The following TCF7L2 variants were observed in gnomAD, a reference collection of about 807,000 sequenced individuals.
The protein encoded by TCF7L2 is transcription factor 7-like 2.
Under a neutral mutation model 77.9 loss-of-function variants are expected in TCF7L2, and 23 were observed. That is an observed-to-expected ratio of 0.30 (90% CI 0.21 to 0.42). The LOEUF is 0.42. TCF7L2 is among the 10% of genes least tolerant of loss of function. The pLI, the probability that TCF7L2 is intolerant of heterozygous loss-of-function variation, is 1.00. For missense variants in TCF7L2, 654 were observed against 793.1 expected (o/e 0.82, Z 2.11); for synonymous variants, 413 against 340.2 (o/e 1.21, Z -2.36).
intron 4 of TCF7L2, among the ~76,000 whole-genome samples, chr10:112,997,755 A>T (rs781355261): frequency 6.6e-6 from 1 of 152,126 alleles, no homozygotes; most frequent in Non-Finnish European, 1.5e-5. Context: ...GTGGAGCAAG[A>T]TTCCATGTTG....
intron 4 of TCF7L2, among the ~76,000 whole-genome samples, chr10:112,989,010 G>A (rs2042062359): frequency 6.6e-6 from 1 of 152,168 alleles, no homozygotes; most frequent in Admixed American, 6.5e-5. Flanking sequence ...GGCCTTGTCT[G>A]AGGCTCGGGT....
intron 12 of TCF7L2, among the ~76,000 whole-genome samples, 174 bp downstream of exon 13, chr10:113,158,891 T>G (rs1307055086): frequency 6.6e-6 from 1 of 152,012 alleles, no homozygotes; most frequent in East Asian, 1.9e-4. Flanking sequence ...GCTTCTGTTT[T>G]TTTTTTTTAA....
chr10:113,151,171 C>T lies in TCF7L2; in HGVS notation c.1001+48C>T. 6.2e-7 allele frequency: 1 copy of T among 1,611,726 alleles called. No individual in the cohort carries two copies. ...CCTTCTTCGTAGCCGCAGTGTTCTG[C>T]AAGCCTGTTGCAGCTGCTGGGTGGT... On this transcript the variant is annotated intron_variant, in intron 9 of 13. Transcript: ENST00000627217. This position sits in a 1 kb window ranked among gnomAD's most constrained non-coding sequence, Gnocchi z 5.2.
chr10:113,027,144 T>A (rs1287974625), intron 4 of TCF7L2, among the ~76,000 whole-genome samples: 1 of 152,222 alleles, frequency 6.6e-6, no homozygotes, highest in Non-Finnish European at 1.5e-5. Context: ...GTTTTTCTTT[T>A]TCTTTTTGGA....
rs1387251378 is a variant in TCF7L2, at chr10:113,069,083, A to G, written c.552+28957A>G. 3.3e-5 allele frequency among the ~76,000 whole-genome samples: 5 copies of G among 151,724 alleles called. No individual in the cohort carries two copies. In the East Asian group the frequency reaches 7.8e-4, roughly 24 times the overall value. On this transcript the variant is annotated intron_variant, in intron 5 of 13. Coordinates refer to ENST00000627217, the MANE Select transcript of TCF7L2 (RefSeq NM_001146274.2). ...GGCCCAGTTAGCAGGGAGGAATGTC[A>G]TATGGTTTAGAAAGGAGGGCCCAGG...
intron 5 of TCF7L2, among the ~76,000 whole-genome samples, chr10:113,060,534 T>C (rs559900695): frequency 6.6e-6 from 1 of 152,234 alleles, no homozygotes; most frequent in Non-Finnish European, 1.5e-5. Context: ...CTTTCTTCTC[T>C]TGGAGAACTT....
chr10:113,126,055 A>G (rs368058563), intron 5 of TCF7L2: 6 of 151,048 alleles, frequency 4.0e-5, no homozygotes, highest in South Asian at 2.1e-4. Context: ...CGGTGGTTTA[A>G]TATGTGTTAG....
chr10:113,151,191 G>T lies in TCF7L2; in HGVS notation c.1001+68G>T. On this transcript the variant is annotated intron_variant, in intron 9 of 13. Coordinates refer to ENST00000627217, the MANE Select transcript of TCF7L2 (RefSeq NM_001146274.2). This position sits in a 1 kb window ranked among gnomAD's most constrained non-coding sequence, Gnocchi z 5.2. ...TTCTGCAAGCCTGTTGCAGCTGCTGGGTGGTGGCTTTCTGCCTAAGGTTGG... is the reference window on the plus strand; with the variant it reads ...TTCTGCAAGCCTGTTGCAGCTGCTGTGTGGTGGCTTTCTGCCTAAGGTTGG... 1 of 1,605,806 alleles carries T rather than the reference G, an allele frequency of 6.2e-7. No individual in the cohort carries two copies. The highest frequency in any genetic ancestry group is 1.7e-5 in the Admixed American group (1 of 59,772).
At chr10:112,968,640 G>A (rs2037542033) in intron 4 of TCF7L2, among the ~76,000 whole-genome samples, 1 of 152,028 alleles carries the variant, frequency 6.6e-6, no homozygotes, top group Non-Finnish European at 1.5e-5. Flanking sequence ...GTGCAGTGGC[G>A]TGATCTCGGC....
chr10:113,017,831 A>G (rs896124550), intron 4 of TCF7L2, among the ~76,000 whole-genome samples: 1 of 152,234 alleles, frequency 6.6e-6, no homozygotes, highest in African/African-American at 2.4e-5. Flanking sequence ...CTTACTTTTC[A>G]TAGCAGCACT....
At chr10:113,076,148 A>G (rs1412199641) in intron 5 of TCF7L2, among the ~76,000 whole-genome samples, 1 of 151,600 alleles carries the variant, frequency 6.6e-6, no homozygotes, top group East Asian at 1.9e-4. Flanking sequence ...AAAAAAAAAA[A>G]AAAAAAAAAG....
In TCF7L2 at chr10:112,951,524, T is replaced by C; in HGVS notation, c.298T>C (p.Tyr100His). The change falls in exon 3 of 14, where the codon TAT (tyrosine) becomes CAT (histidine). Residue 100 changes from tyrosine (Y) to histidine (H), a missense_variant. By Grantham distance (83) the Tyr-to-His change is moderately conservative. This residue lies in a region of TCF7L2 where 132 missense variants were observed against 123.7 expected (regional missense o/e 1.07). Coordinates refer to ENST00000627217, the MANE Select transcript of TCF7L2 (RefSeq NM_001146274.2). ...TGGAGGGCTCTTTAAGGGGCCACCG[T>C]ATCCCGGCTACCCCTTCATCATGAT... is the stretch of plus-strand genomic sequence containing the variant. 1 of 1,427,480 alleles carries C rather than the reference T, an allele frequency of 7.0e-7. No homozygotes were observed. Among genetic ancestry groups the C allele is most frequent in the Non-Finnish European group, 9.4e-7 (1 of 1,067,298 alleles). 88.4% of individuals were successfully genotyped at this position (1,427,480 alleles called of 1,614,324 possible). A position where few individuals can be genotyped will look rare whatever the true frequency, so the allele number is the denominator to read the frequency against.
chr10:113,045,010 A>AT (rs2053172656), intron 5 of TCF7L2, among the ~76,000 whole-genome samples: 1 of 152,106 alleles, frequency 6.6e-6, no homozygotes, highest in Admixed American at 6.5e-5. Context: ...CAGGTTAGAT[A>AT]TTGGCATTGA....
intron 5 of TCF7L2, among the ~76,000 whole-genome samples, chr10:113,077,775 C>T (rs573075458): frequency 6.7e-6 from 1 of 150,352 alleles, no homozygotes. Flanking sequence ...TCTCGGCTCA[C>T]TGCAACCTCT....
chr10:113,160,577 C>T (rs949798091), intron 12 of TCF7L2: 2 of 1,545,482 alleles, frequency 1.3e-6, no homozygotes, highest in South Asian at 1.2e-5. Context: ...GAGCACGACC[C>T]ACCATTGTGT....
At chr10:112,993,087 CCT>C (rs1487453107) in intron 4 of TCF7L2, among the ~76,000 whole-genome samples, 1 of 152,068 alleles carries the variant, frequency 6.6e-6, no homozygotes, top group Non-Finnish European at 1.5e-5. Context: ...CTAACGTCCC[CCT>C]GACTTTTCTG....
Position 112,964,714 on chromosome 10 carries a change from A to ATG in TCF7L2, c.450+90_450+91insTG, listed in dbSNP as rs1564718641. 7.5e-3 allele frequency: 7,147 copies of ATG among 949,002 alleles called. 86 individuals carry two copies. Among genetic ancestry groups the ATG allele is most frequent in the African/African-American group, 0.011 (516 of 49,088 alleles). 58.8% of individuals were successfully genotyped at this position (949,002 alleles called of 1,614,324 possible). On this transcript the variant is annotated intron_variant, in intron 4 of 13. Coordinates refer to ENST00000627217, the MANE Select transcript of TCF7L2 (RefSeq NM_001146274.2). The stretch of plus-strand genomic sequence containing the variant: ...CTCCGCCCCTTCCCCCAACTGAGAT[A>ATG]ATGATGATGATGATGATGATGATGA...
chr10:113,069,149 C>T (rs2057631576), intron 5 of TCF7L2, among the ~76,000 whole-genome samples: 1 of 151,672 alleles, frequency 6.6e-6, no homozygotes, highest in Non-Finnish European at 1.5e-5. Flanking sequence ...GGGTACGCCC[C>T]CTTGGAAGGG....
intron 5 of TCF7L2, among the ~76,000 whole-genome samples, chr10:113,137,406 C>G (rs2067585204): frequency 6.6e-6 from 1 of 152,232 alleles, no homozygotes; most frequent in Non-Finnish European, 1.5e-5. Flanking sequence ...AGTTCTCATT[C>G]AGTTTTCACA....
Sources: gnomAD v4.1 joint callset for allele counts (sites outside exome capture counted in the v4.1 genomes callset) on GRCh38, gnomAD v4.1.1 for gene constraint, gnomAD v4.1.1 regional missense constraint, Gnocchi (gnomAD v3.1) non-coding constraint, MANE v1.5 for transcripts, NCBI Gene and HGNC (gene_info 2026-07-23, HGNC 2026-07-21) for gene names.